Variants in FOXR2 observed in about 807,000 individuals in gnomAD.
FOXR2 encodes forkhead box R2.
For synonymous variants in FOXR2, 109 were observed against 84.1 expected (o/e 1.30, Z -1.62); for missense variants, 234 against 227.1 (o/e 1.03, Z -0.20).
rs2032315608 is a variant in FOXR2 at position 55,623,794 on chromosome X, A to G, written c.83A>G (p.Asn28Ser). The G allele has an allele frequency of 1.7e-6, 2 of 1,211,281 alleles. No homozygotes were observed. The highest frequency in any genetic ancestry group is 2.2e-6 in the Non-Finnish European group (2 of 894,886). The stretch of plus-strand genomic sequence containing the variant: ...GGGCTGCTGGACTGGGACATGAGGA[A>G]TGAGTTATTTCTGCCTTGTACCACA... ...VPGLLDWDMRNELFLPCTTDQ... is the reference protein window; with the variant it reads ...VPGLLDWDMRSELFLPCTTDQ... The change falls in exon 1 of 1, where the codon AAT becomes AGT. Residue 28 changes from asparagine to serine, a missense_variant. By Grantham distance (46) the Asn-to-Ser change is conservative. Coordinates refer to ENST00000339140, the MANE Select transcript of FOXR2 (RefSeq NM_198451.4).
At position 55,623,993 on chromosome X, in the gene FOXR2, G is replaced by T; in HGVS notation, c.282G>T (p.Glu94Asp). ...PNILCPLGSQEAPKPSGKEDL... is the reference protein window; with the variant it reads ...PNILCPLGSQDAPKPSGKEDL... Reference sequence around the variant, plus strand: ...TCCTGTGCCCCCTTGGCAGCCAGGAGGCCCCAAAGCCCAGTGGAAAAGAGG... The same window carrying T: ...TCCTGTGCCCCCTTGGCAGCCAGGATGCCCCAAAGCCCAGTGGAAAAGAGG... Residue 94 changes from glutamate (E) to aspartate (D), a missense_variant, in exon 1 of 1, where the codon GAG (glutamate) becomes GAT (aspartate). Physicochemically the swap from Glu to Asp is conservative, Grantham distance 45. Coordinates refer to ENST00000339140, the MANE Select transcript of FOXR2 (RefSeq NM_198451.4). 8.3e-7 allele frequency: 1 copy of T among 1,211,591 alleles called. No homozygotes were observed. The highest frequency in any genetic ancestry group is 1.1e-6 in the Non-Finnish European group (1 of 895,476).
At position 55,624,157 on chromosome X, in the gene FOXR2, C is replaced by T; in HGVS notation, c.446C>T (p.Pro149Leu). The T allele has an allele frequency of 8.3e-7, 1 of 1,211,816 alleles. No homozygotes were observed. The highest frequency in any genetic ancestry group is 1.1e-6 in the Non-Finnish European group (1 of 895,448). ...TTACAGAAGCAGGGTATCCATTCCCCCAGTGACTTTGAGCTCACAGAAGAG... is the reference window on the plus strand; with the variant it reads ...TTACAGAAGCAGGGTATCCATTCCCTCAGTGACTTTGAGCTCACAGAAGAG... Reference protein sequence around the residue: ...SPLQKQGIHSPSDFELTEEEA... With the variant: ...SPLQKQGIHSLSDFELTEEEA... The change falls in exon 1 of 1, where the codon CCC (proline) becomes CTC (leucine). Residue 149 changes from proline to leucine, a missense_variant. Pro to Leu is a moderately conservative substitution (Grantham distance 98). Transcript: ENST00000339140.
At position 55,623,603 on chromosome X, in the gene FOXR2, C is replaced by T. The variant is rs754815008; in HGVS notation, c.-109C>T. The T allele has an allele frequency of 2.5e-4, 135 of 542,654 alleles. No homozygotes were observed. Among genetic ancestry groups the T allele is most frequent in the Non-Finnish European group, 3.6e-4 (119 of 332,504 alleles). 44.7% of individuals were successfully genotyped at this position (542,654 alleles called of 1,213,427 possible). On this transcript the variant is annotated 5_prime_UTR_variant, in exon 1 of 1. Transcript: ENST00000339140. The stretch of plus-strand genomic sequence containing the variant: ...TTCTAGCAGGCCTACTGATAAGCTC[C>T]CTAGATGAGATACACTGCATAAAAA...
At position 55,625,790 on chromosome X, in the gene FOXR2, T is replaced by C. The variant is rs2032336815; in HGVS notation, c.*1143T>C. 8.9e-6 allele frequency among the ~76,000 whole-genome samples: 1 copy of C among 111,987 alleles called. No individual in the cohort carries two copies. Among genetic ancestry groups the C allele is most frequent in the African/African-American group, 3.2e-5 (1 of 30,865 alleles). On this transcript the variant is annotated 3_prime_UTR_variant, in exon 1 of 1. Transcript: ENST00000339140. ...GCAGCAACAACAAACACTACAGCATTTGTTTTTCTAATTTCAAAATTATCT... is the reference window on the plus strand; with the variant it reads ...GCAGCAACAACAAACACTACAGCATCTGTTTTTCTAATTTCAAAATTATCT...
chrX:55,625,529 A>G lies in FOXR2; in HGVS notation c.*882A>G, dbSNP rs1417972815. ...AGGGCATTGGAAAAAATACATTTTGAGCTAGTTTTGAAGAATAAATGGCAA... is the reference window on the plus strand; with the variant it reads ...AGGGCATTGGAAAAAATACATTTTGGGCTAGTTTTGAAGAATAAATGGCAA... On this transcript the variant is annotated 3_prime_UTR_variant, in exon 1 of 1. Coordinates refer to ENST00000339140, the MANE Select transcript of FOXR2 (RefSeq NM_198451.4). Among the ~76,000 whole-genome samples, 3 of 111,528 alleles carry G rather than the reference A, an allele frequency of 2.7e-5. No homozygotes were observed. Among genetic ancestry groups the G allele is most frequent in the Non-Finnish European group, 5.6e-5 (3 of 53,157 alleles).
rs900061696 is a variant in FOXR2 at position 55,623,492 on chromosome X, A to T, written c.-220A>T. 1.3e-5 allele frequency: 4 copies of T among 309,687 alleles called. No individual in the cohort carries two copies. Among genetic ancestry groups the T allele is most frequent in the Non-Finnish European group, 2.2e-5 (4 of 178,015 alleles). 25.5% of individuals were successfully genotyped at this position (309,687 alleles called of 1,213,427 possible). On this transcript the variant is annotated 5_prime_UTR_variant, in exon 1 of 1. The change abolishes an upstream ATG in the 5' untranslated region. Coordinates refer to ENST00000339140, the MANE Select transcript of FOXR2 (RefSeq NM_198451.4). ...TCAAAAGCTCTTTTTTATTACTTCC[A>T]TGTTTTGAGCCTTGTTCCAGAAAGC... is the stretch of plus-strand genomic sequence containing the variant.
Position 55,624,260 on chromosome X carries a change from C to T in FOXR2, c.549C>T (p.Ile183=). The T allele has an allele frequency of 8.3e-7, 1 of 1,212,095 alleles. No individual in the cohort carries two copies. Among genetic ancestry groups the T allele is most frequent in the Non-Finnish European group, 1.1e-6 (1 of 895,572 alleles). Reference sequence around the variant, plus strand: ...ACCAGAGCCAGAAACTATGGCAAATCAACAACCAAGAGAAGTCCTGGCAAA... The same window carrying T: ...ACCAGAGCCAGAAACTATGGCAAATTAACAACCAAGAGAAGTCCTGGCAAA... ...KCYQSQKLWQ[I]NNQEKSWQRP... Residue 183 remains isoleucine, a synonymous_variant, in exon 1 of 1, where the codon ATC becomes ATT. Transcript: ENST00000339140.
rs377699919 is a variant in FOXR2 at position 55,625,731 on chromosome X, A to G, written c.*1084A>G. On this transcript the variant is annotated 3_prime_UTR_variant, in exon 1 of 1. Transcript: ENST00000339140. Reference sequence around the variant, plus strand: ...TTTAGGAGCCAAGAGACATCAGTGGAGTTTTGCTAAAAAACAAAAAAAGAA... The same window carrying G: ...TTTAGGAGCCAAGAGACATCAGTGGGGTTTTGCTAAAAAACAAAAAAAGAA... Among the ~76,000 whole-genome samples the G allele has an allele frequency of 1.7e-4, 19 of 111,119 alleles. No individual in the cohort carries two copies. Among genetic ancestry groups the G allele is most frequent in the African/African-American group, 5.9e-4 (18 of 30,565 alleles).
chrX:55,624,696 T>C lies in FOXR2; in HGVS notation c.*49T>C. On this transcript the variant is annotated 3_prime_UTR_variant, in exon 1 of 1. Transcript: ENST00000339140. Reference sequence around the variant, plus strand: ...CACTGCCTTCCTTACTGTGCCTACTTATCCCCTGACATTCATTAATCTCTA... The same window carrying C: ...CACTGCCTTCCTTACTGTGCCTACTCATCCCCTGACATTCATTAATCTCTA... 1.0e-6 allele frequency: 1 copy of C among 974,783 alleles called. No homozygotes were observed. Among genetic ancestry groups the C allele is most frequent in the South Asian group, 2.2e-5 (1 of 44,592 alleles). The allele number at this position is 974,783 out of a possible 1,213,427, so 80.3% of individuals were successfully genotyped here. A position where few individuals can be genotyped will look rare whatever the true frequency, so the allele number is the denominator to read the frequency against.
In FOXR2 at chrX:55,624,848, G is replaced by A. The variant is rs139149987; in HGVS notation, c.*201G>A. On this transcript the variant is annotated 3_prime_UTR_variant, in exon 1 of 1. Transcript: ENST00000339140. Reference sequence around the variant, plus strand: ...TCCAGGTGGAGAGTCATGGAAAGTCGCACGAGGAGAGTGGCTGTTGTTCCA... The same window carrying A: ...TCCAGGTGGAGAGTCATGGAAAGTCACACGAGGAGAGTGGCTGTTGTTCCA... The A allele has an allele frequency of 2.9e-5, 11 of 375,721 alleles. No homozygotes were observed. The highest frequency in any genetic ancestry group is 5.1e-5 in the African/African-American group (2 of 39,332). The allele number at this position is 375,721 out of a possible 1,213,427, so 31.0% of individuals were successfully genotyped here.
rs1446627247 is a variant in FOXR2, at chrX:55,625,176, C to G, written c.*529C>G. ...GAACCTCACTTTTCTATTTCTGGCCCTGGACTTCTAAGCCTTGTTTCTTTG... is the reference window on the plus strand; with the variant it reads ...GAACCTCACTTTTCTATTTCTGGCCGTGGACTTCTAAGCCTTGTTTCTTTG... On this transcript the variant is annotated 3_prime_UTR_variant, in exon 1 of 1. Transcript: ENST00000339140. 1.3e-4 allele frequency: 16 copies of G among 123,982 alleles called. No individual in the cohort carries two copies. In the Admixed American group the frequency reaches 1.5e-3, roughly 12 times the overall value. The allele number at this position is 123,982 out of a possible 1,213,427, so 10.2% of individuals were successfully genotyped here.
chrX:55,623,818 C>T lies in FOXR2; in HGVS notation c.107C>T (p.Thr36Ile), dbSNP rs921538694. The change falls in exon 1 of 1, where the codon ACA (threonine) becomes ATA (isoleucine). Residue 36 changes from threonine to isoleucine, a missense_variant. Thr to Ile is a moderately conservative substitution (Grantham distance 89). Transcript: ENST00000339140. ...AATGAGTTATTTCTGCCTTGTACCA[C>T]AGACCAGTGCTCTTTAGCTGAGCAA... ...MRNELFLPCTTDQCSLAEQIL... is the reference protein window; with the variant it reads ...MRNELFLPCTIDQCSLAEQIL... 5 of 1,209,520 alleles carry T rather than the reference C, an allele frequency of 4.1e-6. No individual in the cohort carries two copies. The highest frequency in any genetic ancestry group is 5.6e-6 in the Non-Finnish European group (5 of 894,695).
In FOXR2 at chrX:55,625,499, A is replaced by C. The variant is rs1350665950; in HGVS notation, c.*852A>C. Among the ~76,000 whole-genome samples, 2 of 111,469 alleles carry C rather than the reference A, an allele frequency of 1.8e-5. No homozygotes were observed. Among genetic ancestry groups the C allele is most frequent in the African/African-American group, 6.5e-5 (2 of 30,695 alleles). Reference sequence around the variant, plus strand: ...GGGAGACATTCTTCCTGGGAAAGACATGAAAGGGCATTGGAAAAAATACAT... The same window carrying C: ...GGGAGACATTCTTCCTGGGAAAGACCTGAAAGGGCATTGGAAAAAATACAT... On this transcript the variant is annotated 3_prime_UTR_variant, in exon 1 of 1. Transcript: ENST00000339140.
chrX:55,624,509 C>A lies in FOXR2; in HGVS notation c.798C>A (p.Arg266=). Reference sequence around the variant, plus strand: ...AGGATGAAGATAATGCAAGACCTCGCTCTTGCCTTTGGAAGCTCACTAAGG... The same window carrying A: ...AGGATGAAGATAATGCAAGACCTCGATCTTGCCTTTGGAAGCTCACTAAGG... ...SLKDEDNARP[R]SCLWKLTKEG... The change falls in exon 1 of 1, where the codon CGC becomes CGA. Residue 266 remains arginine (R), a synonymous_variant. Coordinates refer to ENST00000339140, the MANE Select transcript of FOXR2 (RefSeq NM_198451.4). 8.3e-7 allele frequency: 1 copy of A among 1,210,773 alleles called. No homozygotes were observed. Among genetic ancestry groups the A allele is most frequent in the Non-Finnish European group, 1.1e-6 (1 of 894,290 alleles).
rs1368855266 is a variant in FOXR2 at position 55,624,370 on chromosome X, A to G, written c.659A>G (p.Asn220Ser). ...GGCCTCAGTGTGCAGGAGATCTACA[A>G]TTTCACCCGACAGCATTTCCCCTTT... is the stretch of plus-strand genomic sequence containing the variant. ...HCGLSVQEIY[N>S]FTRQHFPFFW... is the part of the protein sequence containing the mutation. Residue 220 changes from asparagine (N) to serine (S), a missense_variant, in exon 1 of 1, where the codon AAT becomes AGT. Coordinates refer to ENST00000339140, the MANE Select transcript of FOXR2 (RefSeq NM_198451.4). The G allele has an allele frequency of 5.8e-6, 7 of 1,208,792 alleles. No homozygotes were observed. Among genetic ancestry groups the G allele is most frequent in the African/African-American group, 3.5e-5 (2 of 56,786 alleles).
Position 55,624,943 on chromosome X carries a change from G to A in FOXR2, c.*296G>A. 1 of 285,239 alleles carries A rather than the reference G, an allele frequency of 3.5e-6. No individual in the cohort carries two copies. The allele number at this position is 285,239 out of a possible 1,213,427, so 23.5% of individuals were successfully genotyped here. Reference sequence around the variant, plus strand: ...AACTAAGGAAAGAAGGGTGTGTTTTGTGAAAGAAAGGAATTTTGTTTATAG... The same window carrying A: ...AACTAAGGAAAGAAGGGTGTGTTTTATGAAAGAAAGGAATTTTGTTTATAG... On this transcript the variant is annotated 3_prime_UTR_variant, in exon 1 of 1. Coordinates refer to ENST00000339140, the MANE Select transcript of FOXR2 (RefSeq NM_198451.4).
At position 55,625,322 on chromosome X, in the gene FOXR2, A is replaced by G. The variant is rs1349589353; in HGVS notation, c.*675A>G. The G allele has an allele frequency of 8.2e-6, 1 of 122,077 alleles. No individual in the cohort carries two copies. Among genetic ancestry groups the G allele is most frequent in the East Asian group, 2.8e-4 (1 of 3,577 alleles). 10.1% of individuals were successfully genotyped at this position (122,077 alleles called of 1,213,427 possible). On this transcript the variant is annotated 3_prime_UTR_variant, in exon 1 of 1. Transcript: ENST00000339140. ...TTTTGATGATAAAGCTTTATTTTCT[A>G]TTATTTTTAGTTCTCAAGATTTTAT...
At position 55,624,197 on chromosome X, in the gene FOXR2, AGAC is replaced by A; in HGVS notation, c.490_492del (p.Asp164del). 10 of 1,211,867 alleles carry A rather than the reference AGAC, an allele frequency of 8.3e-6. No individual in the cohort carries two copies. The highest frequency in any genetic ancestry group is 1.0e-5 in the Non-Finnish European group (9 of 895,486). ...TCACAGAAGAGGAGGCTGAGGAACC[AGAC>A]GACAACTCCCTCCAGTCCCCTGAAA... On this transcript the variant is annotated inframe_deletion, in exon 1 of 1. Coordinates refer to ENST00000339140, the MANE Select transcript of FOXR2 (RefSeq NM_198451.4).
chrX:55,625,762 C>T lies in FOXR2; in HGVS notation c.*1115C>T, dbSNP rs1301023250. Among the ~76,000 whole-genome samples the T allele has an allele frequency of 9.0e-6, 1 of 111,339 alleles. No homozygotes were observed. The highest frequency in any genetic ancestry group is 1.9e-5 in the Non-Finnish European group (1 of 53,063). ...GCTAAAAAACAAAAAAAGAAACAAG[C>T]CAGCAGCAACAACAAACACTACAGC... On this transcript the variant is annotated 3_prime_UTR_variant, in exon 1 of 1. Transcript: ENST00000339140.
Sources: gnomAD v4.1 joint callset for allele counts (sites outside exome capture counted in the v4.1 genomes callset) on GRCh38, gnomAD v4.1.1 for gene constraint, MANE v1.5 for transcripts, NCBI Gene and HGNC (gene_info 2026-07-23, HGNC 2026-07-21) for gene names.